The following PLCB2 variants were observed in gnomAD, a reference collection of about 807,000 sequenced individuals.
The protein encoded by PLCB2 is 1-phosphatidylinositol 4,5-bisphosphate phosphodiesterase beta-2.
PLCB2 carries 115 observed loss-of-function variants against 141.7 expected under a neutral mutation model. The ratio of observed to expected loss-of-function variants is 0.81; its 90% CI spans 0.70 to 0.95. The LOEUF is 0.95. Among genes scored for constraint, PLCB2 ranks in the 40% least tolerant of loss-of-function variants. PLCB2 has a pLI of 0.00. For missense variants in PLCB2, 1,403 were observed against 1,541.1 expected, an observed-to-expected ratio of 0.91 and a Z score of 1.50; for synonymous variants, 603 against 595.6, an observed-to-expected ratio of 1.01 and a Z score of -0.18.
intron 18 of PLCB2, 129 bp downstream of exon 18, chr15:40,294,807 C>G (rs2040117815): frequency 8.6e-7 from 1 of 1,167,348 alleles, no homozygotes; most frequent in African/African-American, 1.5e-5. Context: ...TCTCACGCAC[C>G]TGGGCATGCT....
In PLCB2 at chr15:40,297,905, T is replaced by C. The variant is rs2040309840; in HGVS notation, c.1210A>G (p.Ile404Val). The change falls in exon 12 of 32, where the codon ATC (isoleucine) becomes GTC (valine). Residue 404 changes from isoleucine to valine, a missense_variant. By Grantham distance (29) the Ile-to-Val change is conservative (BLOSUM62 3). This residue lies in a region of PLCB2 where 975 missense variants were observed against 1,141.1 expected (regional missense o/e 0.85). Coordinates refer to ENST00000260402, the MANE Select transcript of PLCB2 (RefSeq NM_004573.3). The surrounding 1 kb of genome is among the most constrained non-coding windows in gnomAD (Gnocchi z 4.2). ...TCCACATGGTTCTCAAACGACAGGA[T>C]GATGGGATAGGGGGAGGTCTTAAAG... ...SAFKTSPYPI[I>V]LSFENHVDSP... The C allele has an allele frequency of 6.2e-7, 1 of 1,613,686 alleles. No individual in the cohort carries two copies. The highest frequency in any genetic ancestry group is 1.3e-5 in the African/African-American group (1 of 74,976).
rs765139002 is a variant in PLCB2 at position 40,294,284 on chromosome 15, G to A, written c.2043C>T (p.Ala681=). The A allele has an allele frequency of 6.2e-7, 1 of 1,613,930 alleles. No individual in the cohort carries two copies. The highest frequency in any genetic ancestry group is 8.5e-7 in the Non-Finnish European group (1 of 1,180,028). ...GCCTTGCCGTAATGGAAAGGGTGGT[G>A]GCCACCACCACGTCGATGCGGTCCA... ...FSVDRIDVVV[A]TTLSITVISG... is the part of the protein sequence containing the mutation. Residue 681 remains alanine, a synonymous_variant, in exon 19 of 32, where the codon GCC becomes GCT. Coordinates refer to ENST00000260402, the MANE Select transcript of PLCB2 (RefSeq NM_004573.3).
At position 40,297,096 on chromosome 15, in the gene PLCB2, G is replaced by A. The variant is rs1251070212; in HGVS notation, c.1324-188C>T. 6.6e-6 allele frequency among the ~76,000 whole-genome samples: 1 copy of A among 152,132 alleles called. No homozygotes were observed. The highest frequency in any genetic ancestry group is 6.5e-5 in the Admixed American group (1 of 15,278). ...TTGGAGTAAATGCGGCTCATCTTGT[G>A]CTTGTTGTAGCTGTCCCTGAGTATG... On this transcript the variant is annotated intron_variant, in intron 13 of 31. Coordinates refer to ENST00000260402, the MANE Select transcript of PLCB2 (RefSeq NM_004573.3). The surrounding 1 kb of genome is among the most constrained non-coding windows in gnomAD (Gnocchi z 4.2).
Position 40,297,557 on chromosome 15 carries a change from C to T in PLCB2, c.1287G>A (p.Gly429=), listed in dbSNP as rs373857424. Residue 429 remains glycine, a synonymous_variant, in exon 13 of 32, where the codon GGG becomes GGA. Coordinates refer to ENST00000260402, the MANE Select transcript of PLCB2 (RefSeq NM_004573.3). The surrounding 1 kb of genome is among the most constrained non-coding windows in gnomAD (Gnocchi z 4.2). ...KMAEYCRTIF[G]DMLLTEPLEK... is the part of the protein sequence containing the mutation. ...CCAGGGGCTCTGTGAGCAGCATATC[C>T]CCAAAGATCGTCCGGCAATACTCAG... 75 of 1,614,160 alleles carry T rather than the reference C, an allele frequency of 4.6e-5. No individual in the cohort carries two copies. In the African/African-American group the frequency reaches 9.2e-4, roughly 20 times the overall value.
At position 40,291,584 on chromosome 15, in the gene PLCB2, C is replaced by G. The variant is rs766973425; in HGVS notation, c.2647+22G>C. 3 of 1,612,920 alleles carry G rather than the reference C, an allele frequency of 1.9e-6. No homozygotes were observed. The African/African-American group carries it at 4.0e-5, about 22-fold the overall frequency. On this transcript the variant is annotated intron_variant, in intron 25 of 31. Coordinates refer to ENST00000260402, the MANE Select transcript of PLCB2 (RefSeq NM_004573.3). ...CCCGCCCCAGGCTCATCCCCGAGATCACCGGGCTCAGCAGGCCTTACCCGC... is the reference window on the plus strand; with the variant it reads ...CCCGCCCCAGGCTCATCCCCGAGATGACCGGGCTCAGCAGGCCTTACCCGC...
In PLCB2 at chr15:40,304,081, G is replaced by A. The variant is rs778195835; in HGVS notation, c.85-3C>T. 21 of 1,587,846 alleles carry A rather than the reference G, an allele frequency of 1.3e-5. No homozygotes were observed. The highest frequency in any genetic ancestry group is 1.7e-5 in the Non-Finnish European group (20 of 1,165,688). On this transcript the variant is annotated splice_region_variant and splice_polypyrimidine_tract_variant and intron_variant, in intron 1 of 31. Transcript: ENST00000260402. ...ACTGGAGAGGCAACTGTAGTTTCCT[G>A]CAGAGAGAAGGAGCCAGCACTCTGT...
At position 40,297,488 on chromosome 15, in the gene PLCB2, A is replaced by G; in HGVS notation, c.1323+33T>C. 2 of 1,551,074 alleles carry G rather than the reference A, an allele frequency of 1.3e-6. No homozygotes were observed. Among genetic ancestry groups the G allele is most frequent in the South Asian group, 2.2e-5 (2 of 89,792 alleles). ...ACCCTGCCCCAGGTTCCCAGGCCCA[A>G]GGCTCAAATGTCCCACAGCGAAGCC... On this transcript the variant is annotated intron_variant, in intron 13 of 31. Transcript: ENST00000260402. This position sits in a 1 kb window ranked among gnomAD's most constrained non-coding sequence, Gnocchi z 4.2.
rs1279146824 is a variant in PLCB2 at position 40,296,284 on chromosome 15, A to C, written c.1696+12T>G. The stretch of plus-strand genomic sequence containing the variant: ...CTTCTTACCCACCCGTAAGTTACTC[A>C]TGCTAACTTACGGGCAGAGAACTCA... On this transcript the variant is annotated intron_variant, in intron 16 of 31. Transcript: ENST00000260402. 1.3e-6 allele frequency: 2 copies of C among 1,597,436 alleles called. No homozygotes were observed. Among genetic ancestry groups the C allele is most frequent in the Non-Finnish European group, 1.7e-6 (2 of 1,166,420 alleles).
Position 40,300,365 on chromosome 15 carries a change from T to C in PLCB2, c.583-1137A>G, listed in dbSNP as rs145370904. ...CAATGCTCTCACTTTAGAAAACAGT[T>C]TGGCGGTTTCTCAAATTGTTAAATA... On this transcript the variant is annotated intron_variant, in intron 7 of 31. Transcript: ENST00000260402. 8.1e-3 allele frequency among the ~76,000 whole-genome samples: 1,236 copies of C among 152,306 alleles called. 18 individuals are homozygous for C. Among genetic ancestry groups the C allele is most frequent in the African/African-American group, 0.029 (1,189 of 41,560 alleles).
rs902466760 is a variant in PLCB2, at chr15:40,302,622, G to A, written c.232-13C>T. 1 of 1,613,946 alleles carries A rather than the reference G, an allele frequency of 6.2e-7. No homozygotes were observed. The highest frequency in any genetic ancestry group is 1.7e-5 in the Admixed American group (1 of 60,014). Reference sequence around the variant, plus strand: ...GGAGCTTCTGGCTCTGCAGCACGTGGTGGTATGGTTAGGATGGAGGTGTGC... The same window carrying A: ...GGAGCTTCTGGCTCTGCAGCACGTGATGGTATGGTTAGGATGGAGGTGTGC... On this transcript the variant is annotated splice_polypyrimidine_tract_variant and intron_variant, in intron 3 of 31. Transcript: ENST00000260402.
Position 40,288,455 on chromosome 15 carries a change from G to A in PLCB2, c.*260C>T. 8.1e-7 allele frequency: 1 copy of A among 1,238,368 alleles called. No homozygotes were observed. Among genetic ancestry groups the A allele is most frequent in the Non-Finnish European group, 1.0e-6 (1 of 988,846 alleles). The allele number at this position is 1,238,368 out of a possible 1,614,324, so 76.7% of individuals were successfully genotyped here. A position where few individuals can be genotyped will look rare whatever the true frequency, so the allele number is the denominator to read the frequency against. Reference sequence around the variant, plus strand: ...AGTCTTTTGCCCTCAACAAATATATGACACTTATCTAGAGATGGAGGGGGA... The same window carrying A: ...AGTCTTTTGCCCTCAACAAATATATAACACTTATCTAGAGATGGAGGGGGA... On this transcript the variant is annotated 3_prime_UTR_variant, in exon 32 of 32. Coordinates refer to ENST00000260402, the MANE Select transcript of PLCB2 (RefSeq NM_004573.3).
intron 30 of PLCB2, 67 bp downstream of exon 30, chr15:40,289,958 A>ATT (rs1566869559): frequency 2.2e-5 from 15 of 669,526 alleles, no homozygotes; most frequent in Non-Finnish European, 3.4e-5. Flanking sequence ...AGAGAGAGAG[A>ATT]GAGAGAGAGA....
intron 3 of PLCB2, 66 bp downstream of exon 3, chr15:40,303,222 C>A: frequency 1.7e-6 from 2 of 1,177,912 alleles, no homozygotes; most frequent in East Asian, 2.3e-5. Context: ...CGCACAGGGA[C>A]CCCTGCCCTT....
chr15:40,295,393 C>G, intron 16 of PLCB2, 108 bp from the exon 17 acceptor site: 1 of 729,804 alleles, frequency 1.4e-6, no homozygotes. Context: ...ATGCCTCCAC[C>G]CCAGCATTTC....
downstream of PLCB2, chr15:40,285,423 T>C (rs1003187764): frequency 3.0e-6 from 2 of 665,232 alleles, no homozygotes; most frequent in African/African-American, 3.9e-5. Flanking sequence ...CCCTGCCTGC[T>C]TTACACAAGA....
chr15:40,297,084 G>A lies in PLCB2; in HGVS notation c.1324-176C>T, dbSNP rs1005876148. ...CCAGCTTATCCCTTGGAGTAAATGC[G>A]GCTCATCTTGTGCTTGTTGTAGCTG... On this transcript the variant is annotated intron_variant, in intron 13 of 31. Coordinates refer to ENST00000260402, the MANE Select transcript of PLCB2 (RefSeq NM_004573.3). The surrounding 1 kb of genome is among the most constrained non-coding windows in gnomAD (Gnocchi z 4.2). Among the ~76,000 whole-genome samples the A allele has an allele frequency of 5.3e-5, 8 of 152,042 alleles. No homozygotes were observed. Among genetic ancestry groups the A allele is most frequent in the Non-Finnish European group, 8.8e-5 (6 of 68,022 alleles).
chr15:40,288,548 T>G lies in PLCB2; in HGVS notation c.*167A>C. ...CCCTGCCGTGAGGGTGCCTGGGTCC[T>G]GTCTCAGACTCTGGCCTGGCCGTTG... is the stretch of plus-strand genomic sequence containing the variant. On this transcript the variant is annotated 3_prime_UTR_variant, in exon 32 of 32. Transcript: ENST00000260402. 7.4e-7 allele frequency: 1 copy of G among 1,343,252 alleles called. No individual in the cohort carries two copies. The highest frequency in any genetic ancestry group is 9.5e-7 in the Non-Finnish European group (1 of 1,047,374). The allele number at this position is 1,343,252 out of a possible 1,614,324, so 83.2% of individuals were successfully genotyped here. A position where few individuals can be genotyped will look rare whatever the true frequency, so the allele number is the denominator to read the frequency against.
rs570076997 is a variant in PLCB2 at position 40,302,988 on chromosome 15, G to T, written c.231+300C>A. Among the ~76,000 whole-genome samples the T allele has an allele frequency of 4.4e-4, 67 of 152,306 alleles. 1 individual carries two copies. Among genetic ancestry groups the T allele is most frequent in the African/African-American group, 1.5e-3 (62 of 41,566 alleles). ...CAAATATAGGCAAACTAGTCCGGGG[G>T]TGGGGGTGTAAGCCACCCCTCCCAG... On this transcript the variant is annotated intron_variant, in intron 3 of 31. Coordinates refer to ENST00000260402, the MANE Select transcript of PLCB2 (RefSeq NM_004573.3).
intron 20 of PLCB2, 133 bp downstream of exon 20, chr15:40,293,427 C>T (rs947707842): frequency 1.1e-6 from 1 of 884,838 alleles, no homozygotes; most frequent in Non-Finnish European, 1.8e-6. Context: ...ACTCTTGAAA[C>T]AGGAGGGCCC....
Sources: allele counts gnomAD v4.1 joint callset (sites outside exome capture counted in the v4.1 genomes callset), GRCh38; gene constraint gnomAD v4.1.1; regional missense constraint gnomAD v4.1.1; non-coding constraint Gnocchi (gnomAD v3.1); transcripts MANE v1.5; gene names NCBI Gene and HGNC (gene_info 2026-07-23, HGNC 2026-07-21).